Variants in TMPRSS2 observed in about 807,000 individuals in gnomAD.
TMPRSS2 encodes transmembrane protease serine 2.
In TMPRSS2, 59 loss-of-function variants were observed where a neutral mutation model predicts 67.4. That is an observed-to-expected ratio of 0.88 (90% CI 0.71 to 1.09). The LOEUF is 1.09. TMPRSS2 is among the 50% of genes least tolerant of loss of function. The pLI, the probability that TMPRSS2 is intolerant of heterozygous loss-of-function variation, is 0.00. For synonymous variants in TMPRSS2, 257 were observed against 257.0 expected (o/e 1.00, Z 0.00); for missense variants, 668 against 642.7 (o/e 1.04, Z -0.43).
chr21:41,491,011 C>G (rs2091331347), intron 3 of TMPRSS2, among the ~76,000 whole-genome samples: 1 of 152,182 alleles, frequency 6.6e-6, no homozygotes, highest in Admixed American at 6.5e-5. Flanking sequence ...GATGCCATAC[C>G]TCTCTCTTTG....
intron 1 of TMPRSS2, among the ~76,000 whole-genome samples, chr21:41,504,710 G>A (rs551244742): frequency 1.6e-4 from 24 of 152,244 alleles, no homozygotes; most frequent in Admixed American, 7.2e-4. Context: ...AATGGCCATG[G>A]GGACATCATA....
At chr21:41,473,541 G>C (rs1416052144) in intron 8 of TMPRSS2, 45 bp from the exon 9 acceptor site, 1 of 1,560,472 alleles carries the variant, frequency 6.4e-7, no homozygotes, top group African/African-American at 1.4e-5. Flanking sequence ...ACCAGCAGAA[G>C]CCGCCCAGCC....
chr21:41,473,167 C>T (rs894624296), intron 9 of TMPRSS2, among the ~76,000 whole-genome samples, 158 bp downstream of exon 9: 4 of 152,188 alleles, frequency 2.6e-5, no homozygotes, highest in East Asian at 3.9e-4. Flanking sequence ...CTGGCATGAG[C>T]GCACTTGATG....
intron 7 of TMPRSS2, among the ~76,000 whole-genome samples, chr21:41,477,138 T>G (rs1241984392): frequency 6.6e-6 from 1 of 152,252 alleles, no homozygotes; most frequent in East Asian, 1.9e-4. Flanking sequence ...CATTTTGTCC[T>G]GCAGTGAATT....
At chr21:41,468,667 C>T in intron 11 of TMPRSS2, 129 bp from the exon 12 acceptor site, 1 of 1,096,254 alleles carries the variant, frequency 9.1e-7, no homozygotes, top group South Asian at 1.6e-5. Context: ...AGCCCTGCCC[C>T]GGTCAGCTCA....
At chr21:41,477,819 G>A (rs1401870621) in intron 7 of TMPRSS2, among the ~76,000 whole-genome samples, 1 of 152,046 alleles carries the variant, frequency 6.6e-6, no homozygotes, top group African/African-American at 2.4e-5. Flanking sequence ...CAGAAAACAA[G>A]CCAAGAACTC....
chr21:41,497,563 T>C (rs2091392817), intron 2 of TMPRSS2, among the ~76,000 whole-genome samples: 1 of 152,230 alleles, frequency 6.6e-6, no homozygotes, highest in Admixed American at 6.5e-5. Flanking sequence ...AAGGTCTATT[T>C]TCCAGATATA....
chr21:41,470,144 C>T (rs1269963035), intron 11 of TMPRSS2, among the ~76,000 whole-genome samples: 1 of 152,208 alleles, frequency 6.6e-6, no homozygotes, highest in East Asian at 1.9e-4. Context: ...AAAAATGAAG[C>T]AGCCAGGCTC....
chr21:41,493,415 G>A (rs567340892), intron 3 of TMPRSS2, among the ~76,000 whole-genome samples: 55 of 152,278 alleles, frequency 3.6e-4, no homozygotes, highest in African/African-American at 1.2e-3. Flanking sequence ...TGTCCTGAGT[G>A]GGGGAGAGGT....
intron 1 of TMPRSS2, among the ~76,000 whole-genome samples, chr21:41,502,766 C>T (rs1039649785): frequency 1.3e-5 from 2 of 152,090 alleles, no homozygotes; most frequent in Non-Finnish European, 2.9e-5. Context: ...AAAGGTTGAG[C>T]GAGAAACAGA....
Position 41,473,375 on chromosome 21 carries a change from G to A in TMPRSS2, c.849C>T (p.Gly283=), listed in dbSNP as rs774583087. 2.4e-5 allele frequency: 38 copies of A among 1,609,864 alleles called. No homozygotes were observed. The highest frequency in any genetic ancestry group is 8.4e-5 in the Admixed American group (5 of 59,778). Residue 283 remains glycine (G), a synonymous_variant, in exon 9 of 14, where the codon GGC becomes GGT. Coordinates refer to ENST00000332149, the MANE Select transcript of TMPRSS2 (RefSeq NM_005656.4). ...LHVQNVHVCG[G]SIITPEWIVT... ...CGATCCACTCGGGGGTGATGATGGA[G>A]CCTCCGCACACGTGGACGTTCTGGA...
In TMPRSS2 at chr21:41,471,877, G is replaced by A. The variant is rs1185182900; in HGVS notation, c.1004C>T (p.Pro335Leu). ...GYQVEKVISH[P>L]NYDSKTKNND... ...GTTCTTGGTCTTGGAGTCATAATTTGGATGAGAAATCACTTTTTCTACTTG... is the reference window on the plus strand; with the variant it reads ...GTTCTTGGTCTTGGAGTCATAATTTAGATGAGAAATCACTTTTTCTACTTG... Residue 335 changes from proline to leucine, a missense_variant, in exon 10 of 14, where the codon CCA becomes CTA. Physicochemically the swap from Pro to Leu is moderately conservative, Grantham distance 98. Transcript: ENST00000332149. 3 of 1,613,432 alleles carry A rather than the reference G, an allele frequency of 1.9e-6. No individual in the cohort carries two copies. The highest frequency in any genetic ancestry group is 1.7e-6 in the Non-Finnish European group (2 of 1,179,866).
At chr21:41,468,827 T>C (rs1246804892) in intron 11 of TMPRSS2, 3 of 349,724 alleles carry the variant, frequency 8.6e-6, no homozygotes. Context: ...AATCCCCCTC[T>C]TATTCACCCA....
At chr21:41,483,293 C>A (rs1046793608) in intron 5 of TMPRSS2, among the ~76,000 whole-genome samples, 25 of 151,650 alleles carry the variant, frequency 1.6e-4, no homozygotes, top group Non-Finnish European at 1.5e-5. Context: ...AATGAATACA[C>A]TTCTTCTTCT....
intron 9 of TMPRSS2, among the ~76,000 whole-genome samples, chr21:41,473,120 G>A (rs1044641336): frequency 2.0e-5 from 3 of 152,196 alleles, no homozygotes; most frequent in African/African-American, 7.2e-5. Flanking sequence ...TGTGCCCTGC[G>A]TGCAGGGGAC....
At position 41,468,526 on chromosome 21, in the gene TMPRSS2, T is replaced by G; in HGVS notation, c.1184A>C (p.Glu395Ala). 1.9e-6 allele frequency: 3 copies of G among 1,614,154 alleles called. No homozygotes were observed. Among genetic ancestry groups the G allele is most frequent in the Non-Finnish European group, 2.5e-6 (3 of 1,180,032 alleles). Residue 395 changes from glutamate (E) to alanine (A), a missense_variant, in exon 12 of 14, where the codon GAA becomes GCA. Physicochemically the swap from Glu to Ala is moderately radical, Grantham distance 107. Coordinates refer to ENST00000332149, the MANE Select transcript of TMPRSS2 (RefSeq NM_005656.4). ...GATEEKGKTS[E>A]VLNAAKVLLI... is the part of the protein sequence containing the mutation. Reference sequence around the variant, plus strand: ...AAGCACCTTGGCAGCGTTCAGCACTTCTGAGGTCTTCCCTAAGGACAGGGA... The same window carrying G: ...AAGCACCTTGGCAGCGTTCAGCACTGCTGAGGTCTTCCCTAAGGACAGGGA...
At chr21:41,472,761 G>T (rs538864203) in intron 9 of TMPRSS2, among the ~76,000 whole-genome samples, 1 of 152,146 alleles carries the variant, frequency 6.6e-6, no homozygotes, top group Non-Finnish European at 1.5e-5. Context: ...AAATACATCC[G>T]CCAAGTGAGG....
chr21:41,482,339 C>T (rs1356934492), intron 5 of TMPRSS2, among the ~76,000 whole-genome samples: 1 of 152,162 alleles, frequency 6.6e-6, no homozygotes, highest in East Asian at 1.9e-4. Flanking sequence ...ATTCACAGAA[C>T]AGAATCCCAT....
At chr21:41,507,117 T>G (rs2146518201) in intron 1 of TMPRSS2, among the ~76,000 whole-genome samples, 1 of 152,304 alleles carries the variant, frequency 6.6e-6, no homozygotes, top group Non-Finnish European at 1.5e-5. Context: ...GCGAAGGCCC[T>G]CCTCTGCCAC....
Sources: gnomAD v4.1 joint callset for allele counts (sites outside exome capture counted in the v4.1 genomes callset) on GRCh38, gnomAD v4.1.1 for gene constraint, MANE v1.5 for transcripts, NCBI Gene and HGNC (gene_info 2026-07-23, HGNC 2026-07-21) for gene names.